The following C1QTNF3 variants were observed in gnomAD, a reference collection of about 807,000 sequenced individuals.
C1QTNF3 encodes the protein C1q and TNF related 3, also known as complement C1q tumor necrosis factor-related protein 3.
C1QTNF3 carries 26 observed loss-of-function variants against 32.6 expected under a neutral mutation model. That is an observed-to-expected ratio of 0.80 (90% confidence interval 0.58 to 1.11). The LOEUF is 1.11. Among genes scored for constraint, C1QTNF3 ranks in the 50% least tolerant of loss-of-function variants. The pLI is 0.00. For missense variants in C1QTNF3, 362 were observed against 398.2 expected, an observed-to-expected ratio of 0.91 and a Z score of 0.77; for synonymous variants, 155 against 146.0, an observed-to-expected ratio of 1.06 and a Z score of -0.44.
At chr5:34,033,945 T>G (rs1438187405) in intron 2 of C1QTNF3, among the ~76,000 whole-genome samples, 1 of 152,220 alleles carries the variant, frequency 6.6e-6, no homozygotes, top group East Asian at 1.9e-4. Context: ...GAGGATCACT[T>G]GAGCCCTAGA....
the C1QTNF3 span, among the ~76,000 whole-genome samples, chr5:34,073,869 T>C: frequency 6.6e-6 from 1 of 152,130 alleles, no homozygotes; most frequent in Admixed American, 6.5e-5. Flanking sequence ...GAGAAAATTA[T>C]GGATTTTCCT....
chr5:34,020,253 T>C lies in C1QTNF3; in HGVS notation c.*330A>G, dbSNP rs840385. 0.46 allele frequency: 94,729 copies of C among 206,664 alleles called. 22,740 individuals are homozygous for C. The highest frequency in any genetic ancestry group is 0.72 in the South Asian group (6,796 of 9,496). 12.8% of individuals were successfully genotyped at this position (206,664 alleles called of 1,614,324 possible). ...AACTGGTATTAAATTAAAAGCAGAG[T>C]AGTCAAAATTCTTTGCAAATGACTT... On this transcript the variant is annotated 3_prime_UTR_variant, in exon 6 of 6. Transcript: ENST00000382065.
Position 34,039,768 on chromosome 5 carries a change from A to G in C1QTNF3, c.303+3055T>C, listed in dbSNP as rs191654619. Among the ~76,000 whole-genome samples the G allele has an allele frequency of 1.2e-4, 19 of 152,358 alleles. 1 individual carries two copies. The highest frequency in any genetic ancestry group is 5.2e-4 in the Admixed American group (8 of 15,306). ...TTTTTTCCAGCTCTACAATGCAAAG[A>G]TACTAAAGTATTTTCCAAAGCCTCA... On this transcript the variant is annotated intron_variant, in intron 1 of 5. Transcript: ENST00000382065.
the C1QTNF3 span, among the ~76,000 whole-genome samples, chr5:34,237,718 G>A: frequency 6.6e-6 from 1 of 152,118 alleles, no homozygotes; most frequent in Non-Finnish European, 1.5e-5. Flanking sequence ...GAAGAGGGAG[G>A]AAGCCTGTGC....
the C1QTNF3 span, among the ~76,000 whole-genome samples, chr5:34,176,459 A>C: frequency 2.0e-5 from 3 of 152,058 alleles, no homozygotes; most frequent in African/African-American, 7.2e-5. Context: ...CAGAATTAAA[A>C]AGGAGGTTTA....
the C1QTNF3 span, among the ~76,000 whole-genome samples, chr5:34,229,265 T>A: frequency 1.3e-5 from 2 of 151,932 alleles, no homozygotes; most frequent in Admixed American, 6.6e-5. Flanking sequence ...TTATTACATA[T>A]TCAAGCTCCT....
At chr5:34,155,731 T>C in the C1QTNF3 span, among the ~76,000 whole-genome samples, 3 of 152,170 alleles carry the variant, frequency 2.0e-5, no homozygotes, top group Admixed American at 1.3e-4. Flanking sequence ...TAGGTTTTCA[T>C]TTAATCAACA....
At chr5:34,045,126 C>A (rs1222890032), upstream of C1QTNF3, among the ~76,000 whole-genome samples, 3 of 152,196 alleles carry the variant, frequency 2.0e-5, no homozygotes, top group Non-Finnish European at 4.4e-5. Flanking sequence ...ATCTAGGTCA[C>A]CCAATTCACA....
chr5:34,020,787 C>T, intron 5 of C1QTNF3, 45 bp from the exon 6 acceptor site: 1 of 1,583,090 alleles, frequency 6.3e-7, no homozygotes, highest in Non-Finnish European at 8.6e-7. Flanking sequence ...TTGCCATGAA[C>T]AACCAGCTCT....
the C1QTNF3 span, among the ~76,000 whole-genome samples, chr5:34,133,420 T>C: frequency 6.6e-6 from 1 of 152,124 alleles, no homozygotes; most frequent in African/African-American, 2.4e-5. Context: ...GCCAGTATGA[T>C]CTAGAATAAG....
At chr5:34,118,886 C>T in the C1QTNF3 span, among the ~76,000 whole-genome samples, 7 of 151,908 alleles carry the variant, frequency 4.6e-5, no homozygotes, top group Non-Finnish European at 2.9e-5. Context: ...TCTTAGTGTT[C>T]ACTATCTCTC....
the C1QTNF3 span, among the ~76,000 whole-genome samples, chr5:34,238,268 A>T: frequency 5.3e-5 from 8 of 152,158 alleles, no homozygotes; most frequent in African/African-American, 1.9e-4. Context: ...CTAGCTACCA[A>T]GCAATGGTTC....
At chr5:34,085,073 C>T in the C1QTNF3 span, among the ~76,000 whole-genome samples, 2 of 142,612 alleles carry the variant, frequency 1.4e-5, no homozygotes, top group Non-Finnish European at 3.0e-5. Context: ...TCACTGCAAG[C>T]TCCGCCTCCC....
the C1QTNF3 span, among the ~76,000 whole-genome samples, chr5:34,157,333 G>A: frequency 6.6e-6 from 1 of 152,100 alleles, no homozygotes; most frequent in Non-Finnish European, 1.5e-5. Flanking sequence ...CAAGTTTTAT[G>A]ACTCTCCTCT....
the C1QTNF3 span, among the ~76,000 whole-genome samples, chr5:34,221,465 T>C: frequency 6.6e-6 from 1 of 152,080 alleles, no homozygotes; most frequent in Non-Finnish European, 1.5e-5. Flanking sequence ...GGAGAAGGAA[T>C]ACAATTTTAA....
chr5:34,228,962 T>G, the C1QTNF3 span, among the ~76,000 whole-genome samples: 17 of 151,904 alleles, frequency 1.1e-4, no homozygotes, highest in African/African-American at 2.4e-4. Flanking sequence ...AATTAGAGTT[T>G]TTTTTTTTTT....
the C1QTNF3 span, among the ~76,000 whole-genome samples, chr5:34,057,726 G>C: frequency 6.6e-6 from 1 of 152,130 alleles, no homozygotes; most frequent in Non-Finnish European, 1.5e-5. Context: ...CTGGTTTTAC[G>C]GCATTGAGGA....
At chr5:34,177,470 C>G in the C1QTNF3 span, among the ~76,000 whole-genome samples, 1 of 149,180 alleles carries the variant, frequency 6.7e-6, no homozygotes, top group Non-Finnish European at 1.5e-5. Context: ...GCAAGCACGA[C>G]CATACCCAAC....
At chr5:34,164,244 G>T in the C1QTNF3 span, among the ~76,000 whole-genome samples, 1 of 152,088 alleles carries the variant, frequency 6.6e-6, no homozygotes, top group African/African-American at 2.4e-5. Context: ...GAGATGAAAT[G>T]GTTAGGAAGC....
Sources: allele counts gnomAD v4.1 joint callset (sites outside exome capture counted in the v4.1 genomes callset), GRCh38; gene constraint gnomAD v4.1.1; transcripts MANE v1.5; gene names NCBI Gene and HGNC (gene_info 2026-07-23, HGNC 2026-07-21).